PCSK5: variants seen among roughly 807,000 people sequenced by gnomAD.
The protein encoded by PCSK5 is prohormone convertase 5.
In PCSK5, 129 loss-of-function variants were observed where a neutral mutation model predicts 233.2. That is an observed-to-expected ratio of 0.55 (90% CI 0.48 to 0.64). The LOEUF is 0.64. Ranked by LOEUF, PCSK5 falls within the 30% of genes least tolerant of loss-of-function variation. The pLI, the probability that PCSK5 is intolerant of heterozygous loss-of-function variation, is 0.00. For missense variants in PCSK5, 2,076 were observed against 2,430.1 expected (o/e 0.85, Z 3.06); for synonymous variants, 825 against 879.2 (o/e 0.94, Z 1.09).
intron 1 of PCSK5, among the ~76,000 whole-genome samples, chr9:75,894,778 A>G (rs530920398): frequency 1.5e-4 from 23 of 152,234 alleles, no homozygotes; most frequent in Non-Finnish European, 3.1e-4. Flanking sequence ...GAATAGAGGG[A>G]GAAGCCTTTG....
At chr9:76,069,792 G>A (rs888390343) in intron 6 of PCSK5, among the ~76,000 whole-genome samples, 1 of 152,062 alleles carries the variant, frequency 6.6e-6, no homozygotes, top group Non-Finnish European at 1.5e-5. Flanking sequence ...AGACCTCATT[G>A]TACCAATAAA....
intron 7 of PCSK5, among the ~76,000 whole-genome samples, chr9:76,091,544 C>A (rs760164513): frequency 1.1e-4 from 17 of 152,148 alleles, no homozygotes; most frequent in Non-Finnish European, 2.4e-4. Context: ...GTTCTGGTGT[C>A]TTCTAGTTAA....
chr9:76,332,232 C>T (rs1829556864), intron 33 of PCSK5, among the ~76,000 whole-genome samples: 1 of 152,142 alleles, frequency 6.6e-6, no homozygotes, highest in South Asian at 2.1e-4. Context: ...CTTCTGTTTT[C>T]CTTGTATTCC....
intron 9 of PCSK5, among the ~76,000 whole-genome samples, chr9:76,123,382 A>G (rs965072954): frequency 1.3e-5 from 2 of 152,180 alleles, no homozygotes; most frequent in Non-Finnish European, 2.9e-5. Flanking sequence ...TTCATATTTT[A>G]TAGATAGTTG....
chr9:76,279,181 C>G (rs11144815), intron 24 of PCSK5, among the ~76,000 whole-genome samples: 6 of 148,164 alleles, frequency 4.0e-5, no homozygotes, highest in Middle Eastern at 7.0e-3. Flanking sequence ...TTTGTTCTTG[C>G]GATAGTTTAC....
intron 2 of PCSK5, among the ~76,000 whole-genome samples, chr9:75,959,514 A>G (rs1387611299): frequency 2.6e-5 from 4 of 152,308 alleles, no homozygotes; most frequent in African/African-American, 9.6e-5. Flanking sequence ...AGAGGATGCT[A>G]TTGAGCCACT....
intron 4 of PCSK5, among the ~76,000 whole-genome samples, chr9:76,026,056 G>A (rs555546709): frequency 1.9e-4 from 29 of 152,126 alleles, no homozygotes; most frequent in African/African-American, 5.3e-4. Context: ...GAGCCAAGCC[G>A]TGATCACACC....
At chr9:75,944,418 T>C (rs939180655) in intron 2 of PCSK5, among the ~76,000 whole-genome samples, 27 of 152,092 alleles carry the variant, frequency 1.8e-4, no homozygotes, top group African/African-American at 6.0e-4. Flanking sequence ...GATAGTAAAA[T>C]TGCTTTTGTT....
intron 20 of PCSK5, among the ~76,000 whole-genome samples, chr9:76,198,651 A>G (rs1824792058): frequency 6.6e-6 from 1 of 152,194 alleles, no homozygotes; most frequent in South Asian, 2.1e-4. Context: ...TAGAAAGCAC[A>G]CTGTGTGCCT....
intron 2 of PCSK5, among the ~76,000 whole-genome samples, chr9:75,939,718 C>T (rs1824215313): frequency 6.6e-6 from 1 of 152,218 alleles, no homozygotes; most frequent in Non-Finnish European, 1.5e-5. Context: ...ATGCGCTATG[C>T]ATATGTGGTT....
At chr9:76,292,503 A>T (rs961900720) in intron 25 of PCSK5, among the ~76,000 whole-genome samples, 3 of 152,212 alleles carry the variant, frequency 2.0e-5, no homozygotes. Flanking sequence ...CCAGCCTGAC[A>T]CTGGTGTCTA....
chr9:76,006,434 A>C (rs1039601247), intron 3 of PCSK5, among the ~76,000 whole-genome samples: 8 of 152,140 alleles, frequency 5.3e-5, no homozygotes, highest in Non-Finnish European at 1.5e-5. Context: ...TTTAATGATT[A>C]TTAAATGTAA....
chr9:76,343,073 C>A (rs1829879201), intron 35 of PCSK5, among the ~76,000 whole-genome samples: 1 of 152,034 alleles, frequency 6.6e-6, no homozygotes, highest in African/African-American at 2.4e-5. Flanking sequence ...ATAAACCAGT[C>A]TTCCATATGC....
intron 24 of PCSK5, among the ~76,000 whole-genome samples, chr9:76,277,400 G>GT (rs1827728024): frequency 1.3e-5 from 2 of 152,134 alleles, no homozygotes; most frequent in African/African-American, 2.4e-5. Flanking sequence ...GTCTAGAGAA[G>GT]CATGGAAATC....
intron 5 of PCSK5, among the ~76,000 whole-genome samples, chr9:76,050,352 T>C (rs1272760387): frequency 6.6e-6 from 1 of 152,200 alleles, no homozygotes; most frequent in Non-Finnish European, 1.5e-5. Context: ...TTCAAAAATA[T>C]ATATATGGAA....
intron 3 of PCSK5, among the ~76,000 whole-genome samples, chr9:75,996,944 T>G (rs998978596): frequency 3.9e-5 from 6 of 152,186 alleles, no homozygotes; most frequent in African/African-American, 1.4e-4. Context: ...CTGAACATGT[T>G]GATTCAAGTT....
rs1564159518 is a variant in PCSK5, at chr9:76,289,502, C to CGCAACAT, written c.3143-2731_3143-2730insGCAACAT. Among the ~76,000 whole-genome samples the CGCAACAT allele has an allele frequency of 2.0e-3, 246 of 125,416 alleles. 1 individual carries two copies. Among genetic ancestry groups the CGCAACAT allele is most frequent in the African/African-American group, 7.1e-3 (225 of 31,906 alleles). 82.3% of individuals were successfully genotyped at this position (125,416 alleles called of 152,430 possible). ...ACACACACACACACACACACACACA[C>CGCAACAT]ACACACACGCAACATACACACACAC... On this transcript the variant is annotated intron_variant, in intron 24 of 37. Coordinates refer to ENST00000674117, the MANE Select transcript of PCSK5 (RefSeq NM_001372043.1).
intron 1 of PCSK5, among the ~76,000 whole-genome samples, chr9:75,926,506 C>G (rs935614333): frequency 6.6e-6 from 1 of 152,168 alleles, no homozygotes; most frequent in Non-Finnish European, 1.5e-5. Flanking sequence ...TGAGGAGGAG[C>G]TGTTTCCAGC....
At chr9:76,111,123 T>G (rs1298280418) in intron 9 of PCSK5, among the ~76,000 whole-genome samples, 1 of 151,604 alleles carries the variant, frequency 6.6e-6, no homozygotes, top group East Asian at 1.9e-4. Context: ...AAAAAAAAAG[T>G]AAAGAAAAGA....
Sources: gnomAD v4.1 joint callset for allele counts (sites outside exome capture counted in the v4.1 genomes callset) on GRCh38, gnomAD v4.1.1 for gene constraint, MANE v1.5 for transcripts, NCBI Gene and HGNC (gene_info 2026-07-23, HGNC 2026-07-21) for gene names.